The following PCMTD1 variants were observed in gnomAD, a reference collection of about 807,000 sequenced individuals.
The protein encoded by PCMTD1 is protein-L-isoaspartate (D-aspartate) O-methyltransferase domain containing 1, also known as protein-L-isoaspartate O-methyltransferase domain-containing protein 1.
PCMTD1 carries 12 observed loss-of-function variants against 37.6 expected under a neutral mutation model. That is an observed-to-expected ratio of 0.32 (90% CI 0.20 to 0.52). The LOEUF is 0.52. Among genes scored for constraint, PCMTD1 ranks in the 20% least tolerant of loss-of-function variants. PCMTD1 has a pLI of 0.97. For missense variants in PCMTD1, 235 were observed against 421.3 expected, an observed-to-expected ratio of 0.56 and a Z score of 3.87; for synonymous variants, 117 against 135.8, an observed-to-expected ratio of 0.86 and a Z score of 0.96.
rs116852339 is a variant in PCMTD1, at chr8:51,820,494, C to T, written c.931G>A (p.Asp311Asn). The T allele has an allele frequency of 1.2e-6, 2 of 1,613,838 alleles. No individual in the cohort carries two copies. Among genetic ancestry groups the T allele is most frequent in the South Asian group, 2.2e-5 (2 of 91,044 alleles). The part of the protein sequence containing the change: ...DSEEDEKMEE[D>N]NKEEEEKDHN... ...TCTTTTTCCTCCTCTTCTTTGTTAT[C>T]CTCTTCCATTTTTTCATCCTCTTCA... The change falls in exon 6 of 6, where the codon GAT becomes AAT. Residue 311 changes from aspartate to asparagine, a missense_variant. This residue lies in a region of PCMTD1 where 41 missense variants were observed against 36.4 expected (regional missense o/e 1.13). Coordinates refer to ENST00000522514, the MANE Select transcript of PCMTD1 (RefSeq NM_052937.4).
chr8:51,862,351 T>C (rs371655413), intron 1 of PCMTD1, among the ~76,000 whole-genome samples: 35 of 141,486 alleles, frequency 2.5e-4, no homozygotes, highest in Admixed American at 2.0e-3. Flanking sequence ...ACATGTTTTA[T>C]ACACATACAC....
chr8:51,824,054 A>T (rs2037886167), intron 5 of PCMTD1, among the ~76,000 whole-genome samples: 1 of 152,210 alleles, frequency 6.6e-6, no homozygotes, highest in Non-Finnish European at 1.5e-5. Context: ...TCTCAAAATA[A>T]TAAGAGCTAT....
At chr8:51,897,523 T>TA (rs942377828) in intron 1 of PCMTD1, among the ~76,000 whole-genome samples, 2 of 151,872 alleles carry the variant, frequency 1.3e-5, no homozygotes, top group East Asian at 1.9e-4. Context: ...AAAAATGAAA[T>TA]AAAAAAAACC....
chr8:51,856,169 T>G (rs530533548), intron 2 of PCMTD1, among the ~76,000 whole-genome samples: 3 of 152,072 alleles, frequency 2.0e-5, no homozygotes, highest in African/African-American at 7.2e-5. Context: ...TACTAACAAC[T>G]CAACAATCAA....
rs1159815755 is a variant in PCMTD1, at chr8:51,818,017, TTTAC to T, written c.*2330_*2333del. 33 of 448,514 alleles carry T rather than the reference TTTAC, an allele frequency of 7.4e-5. No homozygotes were observed. The highest frequency in any genetic ancestry group is 4.3e-4 in the East Asian group (6 of 14,064). The allele number at this position is 448,514 out of a possible 1,614,324, so 27.8% of individuals were successfully genotyped here. A position where few individuals can be genotyped will look rare whatever the true frequency, so the allele number is the denominator to read the frequency against. ...ATATTCCCCATCATTTTCACTTACTTTTACTTAATCTTTATTTGCTACTTTTCCA... is the reference window on the plus strand; with the variant it reads ...ATATTCCCCATCATTTTCACTTACTTTTAATCTTTATTTGCTACTTTTCCA... On this transcript the variant is annotated 3_prime_UTR_variant, in exon 6 of 6. Transcript: ENST00000522514.
At chr8:51,840,391 G>T (rs2038129671) in intron 3 of PCMTD1, among the ~76,000 whole-genome samples, 1 of 152,002 alleles carries the variant, frequency 6.6e-6, no homozygotes, top group Non-Finnish European at 1.5e-5. Context: ...TATTTTCAAG[G>T]ATTTCTGTCT....
rs201620582 is a variant in PCMTD1 at position 51,882,472 on chromosome 8, C to T, written c.-96+16458G>A. On this transcript the variant is annotated intron_variant, in intron 1 of 5. Transcript: ENST00000522514. The stretch of plus-strand genomic sequence containing the variant: ...TCTTTCAAAAGCTCTCAAACACCCG[C>T]CTATGTATCTCTGTATCATCTCTCC... Among the ~76,000 whole-genome samples, 4 of 126,152 alleles carry T rather than the reference C, an allele frequency of 3.2e-5. No individual in the cohort carries two copies. The East Asian group carries it at 9.6e-4, about 30-fold the overall frequency. The allele number at this position is 126,152 out of a possible 152,430, so 82.8% of individuals were successfully genotyped here. A position where few individuals can be genotyped will look rare whatever the true frequency, so the allele number is the denominator to read the frequency against.
intron 5 of PCMTD1, among the ~76,000 whole-genome samples, chr8:51,822,266 C>CGGAG (rs1018028206): frequency 7.9e-5 from 12 of 151,682 alleles, no homozygotes; most frequent in African/African-American, 2.9e-4. Context: ...CACACTCTGA[C>CGGAG]GGAGGGTGGC....
intron 2 of PCMTD1, among the ~76,000 whole-genome samples, chr8:51,854,639 G>A (rs1362787361): frequency 6.6e-6 from 1 of 152,194 alleles, no homozygotes; most frequent in Non-Finnish European, 1.5e-5. Flanking sequence ...AGCACTTTGG[G>A]AGCCCGAGGT....
intron 2 of PCMTD1, among the ~76,000 whole-genome samples, chr8:51,848,144 T>C (rs546639474): frequency 6.6e-6 from 1 of 152,032 alleles, no homozygotes; most frequent in Non-Finnish European, 1.5e-5. Context: ...GGTTACATGT[T>C]TATAAAAAAA....
intron 5 of PCMTD1, among the ~76,000 whole-genome samples, chr8:51,828,481 C>T (rs1363878967): frequency 6.6e-6 from 1 of 152,120 alleles, no homozygotes; most frequent in Non-Finnish European, 1.5e-5. Flanking sequence ...GATTTTTCCA[C>T]TTTACAATGT....
intron 1 of PCMTD1, among the ~76,000 whole-genome samples, chr8:51,884,235 C>T (rs948544826): frequency 6.6e-6 from 1 of 152,160 alleles, no homozygotes; most frequent in Non-Finnish European, 1.5e-5. Context: ...AGCCACTGAT[C>T]TGAGTCAGTG....
chr8:51,869,433 T>C (rs553360021), intron 1 of PCMTD1, among the ~76,000 whole-genome samples: 70 of 152,290 alleles, frequency 4.6e-4, no homozygotes, highest in African/African-American at 1.6e-3. Flanking sequence ...AAAAAGGCTA[T>C]ATTCTGCAGC....
intron 1 of PCMTD1, among the ~76,000 whole-genome samples, chr8:51,872,313 CAT>C (rs1012989080): frequency 1.1e-4 from 17 of 152,222 alleles, no homozygotes; most frequent in Non-Finnish European, 2.5e-4. Context: ...CAAAGATCCA[CAT>C]ATCTTTCAGC....
chr8:51,854,038 C>T (rs1003437106), intron 2 of PCMTD1, among the ~76,000 whole-genome samples: 4 of 152,122 alleles, frequency 2.6e-5, no homozygotes, highest in Admixed American at 2.6e-4. Context: ...GCTGTATTTG[C>T]TACATAGACA....
At chr8:51,868,436 T>G (rs1278223902) in intron 1 of PCMTD1, among the ~76,000 whole-genome samples, 2 of 152,144 alleles carry the variant, frequency 1.3e-5, no homozygotes, top group Non-Finnish European at 2.9e-5. Context: ...CCTTCTGGAA[T>G]GTGAGGCTGG....
At chr8:51,890,813 C>T (rs1281172872) in intron 1 of PCMTD1, among the ~76,000 whole-genome samples, 4 of 152,212 alleles carry the variant, frequency 2.6e-5, no homozygotes, top group Admixed American at 2.6e-4. Context: ...TAAAACACCA[C>T]TTCCTAGCAC....
intron 1 of PCMTD1, among the ~76,000 whole-genome samples, chr8:51,879,232 A>G (rs2038757850): frequency 6.6e-6 from 1 of 152,058 alleles, no homozygotes. Context: ...TTGAGGGGAA[A>G]AAAAAAAAAG....
At chr8:51,863,663 T>A (rs917070114) in intron 1 of PCMTD1, among the ~76,000 whole-genome samples, 6 of 152,192 alleles carry the variant, frequency 3.9e-5, no homozygotes, top group African/African-American at 1.4e-4. Flanking sequence ...GGCTCACGCC[T>A]GTAATCCCAA....
Sources: gnomAD v4.1 joint callset for allele counts (sites outside exome capture counted in the v4.1 genomes callset) on GRCh38, gnomAD v4.1.1 for gene constraint, gnomAD v4.1.1 regional missense constraint, MANE v1.5 for transcripts, NCBI Gene and HGNC (gene_info 2026-07-23, HGNC 2026-07-21) for gene names.